KLF12: variants seen among roughly 807,000 people sequenced by gnomAD.
KLF12 encodes Krueppel-like factor 12.
A neutral mutation model predicts 37.8 loss-of-function variants in KLF12; 9 were observed. The observed-to-expected ratio is 0.24, with a 90% CI of 0.14 to 0.42. KLF12 has a LOEUF of 0.42. Ranked by LOEUF, KLF12 falls within the 10% of genes least tolerant of loss-of-function variation. The pLI, the probability that KLF12 is intolerant of heterozygous loss-of-function variation, is 1.00. For synonymous variants in KLF12, 208 were observed against 202.1 expected (o/e 1.03, Z -0.25); for missense variants, 411 against 516.0 (o/e 0.80, Z 1.97).
At chr13:74,138,860 A>C (rs1483667027), upstream of KLF12, among the ~76,000 whole-genome samples, 1 of 152,128 alleles carries the variant, frequency 6.6e-6, no homozygotes, top group Non-Finnish European at 1.5e-5. Flanking sequence ...CCCCACTTCC[A>C]TATTCATACC....
At chr13:74,070,548 C>G (rs748522860) in intron 1 of KLF12, among the ~76,000 whole-genome samples, 6 of 152,206 alleles carry the variant, frequency 3.9e-5, no homozygotes, top group Non-Finnish European at 7.3e-5. Context: ...CTGCCAGCAA[C>G]AGCCACCATC....
the KLF12 span, among the ~76,000 whole-genome samples, chr13:74,162,940 G>T: frequency 2.0e-4 from 31 of 152,224 alleles, no homozygotes; most frequent in East Asian, 5.8e-3. Flanking sequence ...ACAAATGATT[G>T]GTACTCAAGT....
chr13:73,963,284 TACACAC>T (rs10543490), intron 2 of KLF12, among the ~76,000 whole-genome samples: 10,534 of 144,996 alleles, frequency 0.073, 658 homozygotes, highest in African/African-American at 0.18. Flanking sequence ...GAGTCATTTA[TACACAC>T]ACACACACAC....
chr13:74,302,684 C>T, the KLF12 span, among the ~76,000 whole-genome samples: 13 of 152,186 alleles, frequency 8.5e-5, no homozygotes, highest in East Asian at 1.9e-4. Context: ...CTCATCATTC[C>T]GCTCAAGGGA....
intron 4 of KLF12, 26 bp downstream of exon 4, chr13:73,845,801 A>C (rs894627889): frequency 6.3e-7 from 1 of 1,594,348 alleles, no homozygotes; most frequent in Non-Finnish European, 8.6e-7. Context: ...TGCTGAAATA[A>C]ATCAAGGCTT....
rs149324081 is a variant in KLF12, at chr13:74,092,532, G to A, written c.-32+41207C>T. Reference sequence around the variant, plus strand: ...CCAACTACTTGGGAGGCTGAGGCAGGAGAAATGCTTGAATCCTGGAGGCAG... The same window carrying A: ...CCAACTACTTGGGAGGCTGAGGCAGAAGAAATGCTTGAATCCTGGAGGCAG... On this transcript the variant is annotated intron_variant, in intron 1 of 7. Transcript: ENST00000377669. Among the ~76,000 whole-genome samples, 648 of 152,082 alleles carry A rather than the reference G, an allele frequency of 4.3e-3. 9 individuals carry two copies. Among genetic ancestry groups the A allele is most frequent in the African/African-American group, 0.015 (605 of 41,478 alleles).
Position 73,696,543 on chromosome 13 carries a change from G to C in KLF12, c.1028-872C>G, listed in dbSNP as rs571705513. ...TTTTCCTGGATCTCATTCAGAATGG[G>C]AGGCTTGTCCCCATGCAACCCCACA... On this transcript the variant is annotated intron_variant, in intron 7 of 7. Transcript: ENST00000377669. Among the ~76,000 whole-genome samples, 3 of 152,248 alleles carry C rather than the reference G, an allele frequency of 2.0e-5. No individual in the cohort carries two copies. In the East Asian group the frequency reaches 5.8e-4, roughly 29 times the overall value.
chr13:73,746,293 C>T (rs1173752487), intron 6 of KLF12, among the ~76,000 whole-genome samples: 2 of 152,128 alleles, frequency 1.3e-5, no homozygotes. Context: ...AAGGCTAACT[C>T]CCAGGGCCAA....
At chr13:74,086,263 TC>T (rs1293079027) in intron 1 of KLF12, among the ~76,000 whole-genome samples, 3 of 91,760 alleles carry the variant, frequency 3.3e-5, no homozygotes, top group Non-Finnish European at 4.2e-5. Context: ...ATGCTATCCC[TC>T]CCCCTCCCCC....
the KLF12 span, among the ~76,000 whole-genome samples, chr13:74,190,094 G>C: frequency 6.6e-6 from 1 of 151,964 alleles, no homozygotes; most frequent in Non-Finnish European, 1.5e-5. Flanking sequence ...TATATTTTTA[G>C]TGTGCAATAC....
At chr13:73,765,623 T>C (rs548111812) in intron 5 of KLF12, among the ~76,000 whole-genome samples, 1 of 152,282 alleles carries the variant, frequency 6.6e-6, no homozygotes, top group African/African-American at 2.4e-5. Flanking sequence ...GAAGAATATA[T>C]TGCTTTCCAA....
chr13:74,134,386 G>C (rs1019924520), upstream of KLF12, among the ~76,000 whole-genome samples: 2 of 151,914 alleles, frequency 1.3e-5, no homozygotes, highest in Non-Finnish European at 2.9e-5. Flanking sequence ...CCGAGGATTA[G>C]GAGGCGGGCT....
intron 3 of KLF12, among the ~76,000 whole-genome samples, chr13:73,880,077 C>G (rs1404935206): frequency 6.6e-6 from 1 of 152,132 alleles, no homozygotes; most frequent in Non-Finnish European, 1.5e-5. Flanking sequence ...AATCCCACTG[C>G]TCCTTTGAGA....
intron 1 of KLF12, among the ~76,000 whole-genome samples, chr13:74,080,493 T>G (rs1328181084): frequency 6.6e-6 from 1 of 151,174 alleles, no homozygotes; most frequent in African/African-American, 2.4e-5. Flanking sequence ...ACAATTTAAC[T>G]GTACGTTTAA....
chr13:73,963,309 ACACACACACACG>A (rs1003313974), intron 2 of KLF12, among the ~76,000 whole-genome samples: 1 of 147,992 alleles, frequency 6.8e-6, no homozygotes, highest in African/African-American at 2.6e-5. Flanking sequence ...ACACACACAC[ACACACACACACG>A]TATATATGCT....
intron 2 of KLF12, among the ~76,000 whole-genome samples, chr13:73,975,033 A>T (rs1891469049): frequency 2.0e-5 from 3 of 152,338 alleles, no homozygotes; most frequent in African/African-American, 7.2e-5. Context: ...AGCAACTTTT[A>T]TTGTAGCTTT....
At chr13:73,741,334 C>T (rs1017018073) in intron 6 of KLF12, among the ~76,000 whole-genome samples, 11 of 152,250 alleles carry the variant, frequency 7.2e-5, no homozygotes, top group Admixed American at 3.3e-4. Context: ...TTCCCTGACC[C>T]CGGGAGAGCT....
intron 1 of KLF12, among the ~76,000 whole-genome samples, chr13:74,074,469 G>A (rs9573347): frequency 0.034 from 5,132 of 152,146 alleles, 180 homozygotes; most frequent in East Asian, 0.11. Context: ...ACTGGACTCT[G>A]ATCTTACCCA....
intron 6 of KLF12, among the ~76,000 whole-genome samples, chr13:73,750,575 G>A (rs1490332306): frequency 6.6e-6 from 1 of 152,152 alleles, no homozygotes; most frequent in Non-Finnish European, 1.5e-5. Context: ...GGATCAGAGA[G>A]GAAGAAGAGG....
Sources: gnomAD v4.1 joint callset for allele counts (sites outside exome capture counted in the v4.1 genomes callset) on GRCh38, gnomAD v4.1.1 for gene constraint, MANE v1.5 for transcripts, NCBI Gene and HGNC (gene_info 2026-07-23, HGNC 2026-07-21) for gene names.